Variants in SLC38A6 observed in about 807,000 individuals in gnomAD.
SLC38A6 encodes solute carrier family 38 member 6, also known as N system amino acid transporter NAT-1.
A neutral mutation model predicts 65.0 loss-of-function variants in SLC38A6; 73 were observed. That is an observed-to-expected ratio of 1.12 (90% confidence interval 0.93 to 1.37). The LOEUF (loss-of-function observed/expected upper bound fraction) is 1.37. Ranked by LOEUF, SLC38A6 falls within the 40% of genes most tolerant of loss-of-function variation. SLC38A6 has a pLI of 0.00. For missense variants in SLC38A6, 561 were observed against 531.1 expected, an observed-to-expected ratio of 1.06 and a Z score of -0.55; for synonymous variants, 183 against 178.8, an observed-to-expected ratio of 1.02 and a Z score of -0.19.
intron 3 of SLC38A6, among the ~76,000 whole-genome samples, chr14:61,000,664 A>G (rs1459217297): frequency 6.6e-6 from 1 of 152,194 alleles, no homozygotes; most frequent in African/African-American, 2.4e-5. Context: ...TACATAGCTT[A>G]TCAAATACAG....
intron 4 of SLC38A6, 106 bp from the exon 5 acceptor site, chr14:61,019,435 A>G: frequency 9.4e-7 from 1 of 1,060,170 alleles, no homozygotes; most frequent in East Asian, 2.5e-5. Context: ...TCTCCTCACA[A>G]CTTCTGCATC....
intron 8 of SLC38A6, among the ~76,000 whole-genome samples, chr14:61,038,485 A>G (rs542846651): frequency 3.3e-5 from 5 of 152,150 alleles, no homozygotes; most frequent in Non-Finnish European, 7.4e-5. Flanking sequence ...CCAAGAATAT[A>G]CATGTCCAAA....
intron 15 of SLC38A6, among the ~76,000 whole-genome samples, chr14:61,061,823 G>GT (rs57324488): frequency 0.85 from 129,292 of 151,648 alleles, 56,425 homozygotes; most frequent in Non-Finnish European, 0.96. Context: ...TCGTGTGCAG[G>GT]TTTTTTTGTT....
At chr14:61,041,210 A>G (rs2041790700) in intron 8 of SLC38A6, among the ~76,000 whole-genome samples, 1 of 152,178 alleles carries the variant, frequency 6.6e-6, no homozygotes, top group Non-Finnish European at 1.5e-5. Flanking sequence ...AACCTAAGCA[A>G]GGACTTCCTG....
Position 61,045,326 on chromosome 14 carries a change from C to G in SLC38A6, c.745-20C>G. The G allele has an allele frequency of 6.4e-7, 1 of 1,563,408 alleles. No individual in the cohort carries two copies. On this transcript the variant is annotated intron_variant, in intron 10 of 15. Transcript: ENST00000267488. The stretch of plus-strand genomic sequence containing the variant: ...GTAGAGTGGCATTTAATAATTTTGT[C>G]TCTTTAAAATTTTTTTCAGAGTGCT...
chr14:61,001,397 G>C (rs2038699855), intron 3 of SLC38A6, among the ~76,000 whole-genome samples: 1 of 152,234 alleles, frequency 6.6e-6, no homozygotes, highest in Non-Finnish European at 1.5e-5. Flanking sequence ...GTTCCCTTAA[G>C]CAGAAGCTGA....
chr14:61,014,136 A>C (rs1159007678), intron 3 of SLC38A6, among the ~76,000 whole-genome samples: 2 of 151,928 alleles, frequency 1.3e-5, no homozygotes, highest in Non-Finnish European at 2.9e-5. Flanking sequence ...CATTCATTTG[A>C]TCTTTCATCA....
chr14:61,017,587 A>G lies in SLC38A6; in HGVS notation c.363+1631A>G, dbSNP rs149159672. ...AATATTTTTTGTATGAGAAAATTCC[A>G]CAATTAATATAACATAACCTATAAA... On this transcript the variant is annotated intron_variant, in intron 4 of 15. Coordinates refer to ENST00000267488, the MANE Select transcript of SLC38A6 (RefSeq NM_153811.3). Among the ~76,000 whole-genome samples the G allele has an allele frequency of 2.6e-3, 394 of 152,344 alleles. 1 individual carries two copies. Among genetic ancestry groups the G allele is most frequent in the African/African-American group, 9.1e-3 (380 of 41,568 alleles).
chr14:60,997,658 T>G (rs1039350901), intron 3 of SLC38A6, among the ~76,000 whole-genome samples: 6 of 152,096 alleles, frequency 3.9e-5, no homozygotes, highest in Non-Finnish European at 5.9e-5. Context: ...AAAATAGGGA[T>G]TGAACCAAGG....
rs2042567928 is a variant in SLC38A6 at position 61,052,525 on chromosome 14, A to G, written c.*96A>G. The G allele has an allele frequency of 7.0e-7, 1 of 1,435,804 alleles. No individual in the cohort carries two copies. The highest frequency in any genetic ancestry group is 3.1e-5 in the Admixed American group (1 of 32,182). 88.9% of individuals were successfully genotyped at this position (1,435,804 alleles called of 1,614,324 possible). Reference sequence around the variant, plus strand: ...ACCCTGGATGAAAAATAACATTTTAATAAAAATTATTAACAGAAAAGCAGA... The same window carrying G: ...ACCCTGGATGAAAAATAACATTTTAGTAAAAATTATTAACAGAAAAGCAGA... On this transcript the variant is annotated 3_prime_UTR_variant, in exon 16 of 16. Coordinates refer to ENST00000267488, the MANE Select transcript of SLC38A6 (RefSeq NM_153811.3).
In SLC38A6 at chr14:61,000,492, G is replaced by A. The variant is rs79559577; in HGVS notation, c.311-15412G>A. On this transcript the variant is annotated intron_variant, in intron 3 of 15. Coordinates refer to ENST00000267488, the MANE Select transcript of SLC38A6 (RefSeq NM_153811.3). Reference sequence around the variant, plus strand: ...TAAAACTACAAAAAATTAGCCGGGCGTGATGGCGGGCGCCTGTAATCCCAG... The same window carrying A: ...TAAAACTACAAAAAATTAGCCGGGCATGATGGCGGGCGCCTGTAATCCCAG... Among the ~76,000 whole-genome samples, 22 of 152,290 alleles carry A rather than the reference G, an allele frequency of 1.4e-4. 1 individual carries two copies. The East Asian group carries it at 3.3e-3, about 23-fold the overall frequency.
chr14:61,078,636 T>A (rs1054871801), intron 15 of SLC38A6, among the ~76,000 whole-genome samples: 4 of 152,152 alleles, frequency 2.6e-5, no homozygotes, highest in African/African-American at 4.8e-5. Flanking sequence ...ACACTTGATT[T>A]GTTCTTAAGT....
intron 3 of SLC38A6, among the ~76,000 whole-genome samples, chr14:60,995,856 G>T (rs911342718): frequency 6.6e-6 from 1 of 152,224 alleles, no homozygotes; most frequent in African/African-American, 2.4e-5. Context: ...AAAAAGATCA[G>T]TGGTTGCCAG....
chr14:61,003,676 TG>T (rs753977918), intron 3 of SLC38A6, among the ~76,000 whole-genome samples: 14 of 152,300 alleles, frequency 9.2e-5, no homozygotes, highest in Admixed American at 5.2e-4. Context: ...GCAGATTTTT[TG>T]TTGTTAAAAA....
At chr14:61,069,765 A>C (rs2043162875) in intron 15 of SLC38A6, among the ~76,000 whole-genome samples, 1 of 152,078 alleles carries the variant, frequency 6.6e-6, no homozygotes, top group Non-Finnish European at 1.5e-5. Context: ...TCAGTTTTTG[A>C]GTGGGTAATG....
chr14:61,080,705 A>G (rs868486636), intron 16 of SLC38A6, among the ~76,000 whole-genome samples: 4 of 152,296 alleles, frequency 2.6e-5, no homozygotes, highest in African/African-American at 9.6e-5. Flanking sequence ...GCCCAGGCCC[A>G]GTCGGGTGGG....
intron 15 of SLC38A6, among the ~76,000 whole-genome samples, chr14:61,066,706 A>G (rs1166605461): frequency 6.6e-6 from 1 of 152,206 alleles, no homozygotes; most frequent in Non-Finnish European, 1.5e-5. Context: ...ACATATACAA[A>G]ATATCAACCC....
chr14:61,080,431 C>A (rs1056650299), intron 16 of SLC38A6, among the ~76,000 whole-genome samples: 15 of 152,200 alleles, frequency 9.9e-5, no homozygotes, highest in Admixed American at 9.8e-4. Flanking sequence ...GGAGCTGACT[C>A]TCTCCTTTGG....
At chr14:60,999,473 AAC>A (rs1312690884) in intron 3 of SLC38A6, among the ~76,000 whole-genome samples, 1 of 152,114 alleles carries the variant, frequency 6.6e-6, no homozygotes, top group Admixed American at 6.5e-5. Flanking sequence ...TTCTTTTTAT[AAC>A]ATTTTCTAAA....
Sources: allele counts gnomAD v4.1 joint callset (sites outside exome capture counted in the v4.1 genomes callset), GRCh38; gene constraint gnomAD v4.1.1; transcripts MANE v1.5; gene names NCBI Gene and HGNC (gene_info 2026-07-23, HGNC 2026-07-21).